The following SLC24A3 variants were observed in gnomAD, a reference collection of about 807,000 sequenced individuals.
SLC24A3 encodes solute carrier family 24 member 3.
SLC24A3 carries 28 observed loss-of-function variants against 75.8 expected under a neutral mutation model. The observed-to-expected ratio is 0.37, with a 90% CI of 0.27 to 0.51. The LOEUF is 0.51. Ranked by LOEUF, SLC24A3 falls within the 20% of genes least tolerant of loss-of-function variation. SLC24A3 has a pLI of 0.94. For synonymous variants in SLC24A3, 372 were observed against 334.1 expected (o/e 1.11, Z -1.24); for missense variants, 663 against 847.8 (o/e 0.78, Z 2.71).
At chr20:19,338,667 C>T (rs1985194335) in intron 2 of SLC24A3, among the ~76,000 whole-genome samples, 1 of 152,216 alleles carries the variant, frequency 6.6e-6, no homozygotes, top group African/African-American at 2.4e-5. Flanking sequence ...ATGTGGAAAT[C>T]TGGCTCCTTT....
chr20:19,430,167 A>AT (rs1338389336), intron 2 of SLC24A3, among the ~76,000 whole-genome samples: 3 of 152,140 alleles, frequency 2.0e-5, no homozygotes, highest in African/African-American at 7.2e-5. Context: ...TTGCTGGGGT[A>AT]AAGGCCACCT....
At chr20:19,331,302 T>C (rs1984993422) in intron 2 of SLC24A3, among the ~76,000 whole-genome samples, 1 of 152,178 alleles carries the variant, frequency 6.6e-6, no homozygotes, top group African/African-American at 2.4e-5. Context: ...GGGGCAATGA[T>C]GCTTGCTACC....
At chr20:19,414,490 G>A (rs775274841) in intron 2 of SLC24A3, among the ~76,000 whole-genome samples, 5 of 152,158 alleles carry the variant, frequency 3.3e-5, no homozygotes, top group African/African-American at 9.7e-5. Flanking sequence ...TGTGTGTAAA[G>A]AGTTTGTGTG....
intron 2 of SLC24A3, among the ~76,000 whole-genome samples, chr20:19,413,455 A>G (rs947723124): frequency 6.6e-6 from 1 of 152,202 alleles, no homozygotes; most frequent in African/African-American, 2.4e-5. Context: ...CTCTTCAAGC[A>G]AGGATTACTG....
chr20:19,285,705 A>AT (rs10712128), intron 2 of SLC24A3, among the ~76,000 whole-genome samples: 112 of 147,070 alleles, frequency 7.6e-4, no homozygotes, highest in East Asian at 8.0e-4. Flanking sequence ...GCCTGGAAAC[A>AT]TTTTTTTTTT....
At chr20:19,231,833 G>T (rs1008434456) in intron 1 of SLC24A3, among the ~76,000 whole-genome samples, 1 of 152,186 alleles carries the variant, frequency 6.6e-6, no homozygotes, top group Non-Finnish European at 1.5e-5. Flanking sequence ...GATTGGCTGT[G>T]TGTGCACACC....
At chr20:19,229,663 T>C (rs1367872408) in intron 1 of SLC24A3, among the ~76,000 whole-genome samples, 1 of 152,180 alleles carries the variant, frequency 6.6e-6, no homozygotes. Flanking sequence ...TTATTTCGTT[T>C]TGCCTGGAGA....
chr20:19,329,188 G>A (rs1232895934), intron 2 of SLC24A3, among the ~76,000 whole-genome samples: 1 of 152,128 alleles, frequency 6.6e-6, no homozygotes, highest in Non-Finnish European at 1.5e-5. Context: ...CTACAGAAAG[G>A]TGAAGTAGTA....
rs1034208081 is a variant in SLC24A3 at position 19,661,900 on chromosome 20, G to A, written c.688-3964G>A. ...GGGTTGTTCTGATATCCAGGGATTC[G>A]CCGGCCTGATGTAAGCCCGTCTTGC... On this transcript the variant is annotated intron_variant, in intron 7 of 16. Coordinates refer to ENST00000328041, the MANE Select transcript of SLC24A3 (RefSeq NM_020689.4). Among the ~76,000 whole-genome samples, 5 of 152,212 alleles carry A rather than the reference G, an allele frequency of 3.3e-5. No homozygotes were observed. The East Asian group carries it at 7.7e-4, about 24-fold the overall frequency.
intron 2 of SLC24A3, among the ~76,000 whole-genome samples, chr20:19,480,680 A>G (rs978909169): frequency 6.6e-6 from 1 of 151,984 alleles, no homozygotes; most frequent in Non-Finnish European, 1.5e-5. Context: ...CCTTATTCTC[A>G]TGGTTGGGAG....
chr20:19,720,986 T>C lies in SLC24A3; in HGVS notation c.1786-5T>C. ...TGCCCTCTGAACCTGTTCTGTGCCC[T>C]GCAGGTGTTCGGCGTCCACCTGAAC... On this transcript the variant is annotated splice_polypyrimidine_tract_variant and splice_region_variant and intron_variant, in intron 16 of 16. Coordinates refer to ENST00000328041, the MANE Select transcript of SLC24A3 (RefSeq NM_020689.4). 8 of 1,613,582 alleles carry C rather than the reference T, an allele frequency of 5.0e-6. No homozygotes were observed. The highest frequency in any genetic ancestry group is 6.8e-6 in the Non-Finnish European group (8 of 1,179,880).
chr20:19,476,014 G>A (rs956302770), intron 2 of SLC24A3, among the ~76,000 whole-genome samples: 1 of 152,212 alleles, frequency 6.6e-6, no homozygotes, highest in South Asian at 2.1e-4. Flanking sequence ...GGACAGTTTA[G>A]CAAAGCATGT....
intron 13 of SLC24A3, chr20:19,693,981 A>T (rs2032776218): frequency 6.6e-6 from 1 of 152,492 alleles, no homozygotes; most frequent in African/African-American, 2.4e-5. Context: ...AAAGGCACAA[A>T]GAATTGGGAA....
chr20:19,530,042 G>T (rs2030268664), intron 3 of SLC24A3, among the ~76,000 whole-genome samples: 1 of 152,138 alleles, frequency 6.6e-6, no homozygotes, highest in Admixed American at 6.5e-5. Flanking sequence ...CTAAAGAGAT[G>T]ACTGACTATG....
At chr20:19,445,070 A>G (rs1987357662) in intron 2 of SLC24A3, among the ~76,000 whole-genome samples, 1 of 152,228 alleles carries the variant, frequency 6.6e-6, no homozygotes, top group African/African-American at 2.4e-5. Context: ...CACACTCTGT[A>G]TAACCACCAA....
intron 2 of SLC24A3, among the ~76,000 whole-genome samples, chr20:19,287,151 G>T (rs1300328091): frequency 1.3e-5 from 2 of 152,256 alleles, no homozygotes; most frequent in African/African-American, 4.8e-5. Context: ...CTTTCTCATG[G>T]AATGTTCTAG....
chr20:19,641,243 A>G (rs2032072306), intron 6 of SLC24A3, among the ~76,000 whole-genome samples: 1 of 152,076 alleles, frequency 6.6e-6, no homozygotes, highest in Admixed American at 6.5e-5. Flanking sequence ...CCATATACCC[A>G]TCTGAGATCT....
chr20:19,698,749 C>T lies in SLC24A3; in HGVS notation c.1719+69C>T, dbSNP rs1042129843. ...GTGACTGTGTTTTAACAGCCTTGGC[C>T]ACAGGGTCTTTGTCTCGGGGAAAAA... On this transcript the variant is annotated intron_variant, in intron 15 of 16. Transcript: ENST00000328041. 6 of 1,204,704 alleles carry T rather than the reference C, an allele frequency of 5.0e-6. No homozygotes were observed. In the African/African-American group the frequency reaches 9.1e-5, roughly 18 times the overall value. 74.6% of individuals were successfully genotyped at this position (1,204,704 alleles called of 1,614,324 possible).
chr20:19,558,412 A>G (rs1458678389), intron 3 of SLC24A3, among the ~76,000 whole-genome samples: 1 of 152,088 alleles, frequency 6.6e-6, no homozygotes, highest in Non-Finnish European at 1.5e-5. Context: ...TTAACATCTT[A>G]CATAATCACA....
Sources: gnomAD v4.1 joint callset for allele counts (sites outside exome capture counted in the v4.1 genomes callset) on GRCh38, gnomAD v4.1.1 for gene constraint, MANE v1.5 for transcripts, NCBI Gene and HGNC (gene_info 2026-07-23, HGNC 2026-07-21) for gene names.